Variants in PTPN9 observed in about 807,000 individuals in gnomAD.
PTPN9 encodes the protein tyrosine-protein phosphatase non-receptor type 9.
A neutral mutation model predicts 69.8 loss-of-function variants in PTPN9; 26 were observed. That is an observed-to-expected ratio of 0.37 (90% confidence interval 0.27 to 0.52). PTPN9 has a LOEUF of 0.52. Among genes scored for constraint, PTPN9 ranks in the 20% least tolerant of loss-of-function variants. PTPN9 has a pLI of 0.91. For missense variants in PTPN9, 549 were observed against 740.3 expected (o/e 0.74, Z 3.00); for synonymous variants, 274 against 272.5 (o/e 1.01, Z -0.05).
At chr15:75,570,567 C>T (rs1466691016) in intron 1 of PTPN9, among the ~76,000 whole-genome samples, 2 of 151,794 alleles carry the variant, frequency 1.3e-5, no homozygotes, top group Non-Finnish European at 2.9e-5. Context: ...CTTAGGAGTT[C>T]GTGACCAGCC....
At chr15:75,553,632 T>C (rs1013526698) in intron 1 of PTPN9, among the ~76,000 whole-genome samples, 1 of 152,104 alleles carries the variant, frequency 6.6e-6, no homozygotes, top group African/African-American at 2.4e-5. Context: ...TCCCTCAATT[T>C]TGCCCCAGTT....
Position 75,470,769 on chromosome 15 carries a change from T to C in PTPN9, c.1270A>G (p.Ile424Val), listed in dbSNP as rs138474126. ...GTCACTGTGAGGAAGCCAAATCGGATCCGAGAGTCTTTTTCTAAAGGCCAG... is the reference window on the plus strand; with the variant it reads ...GTCACTGTGAGGAAGCCAAATCGGACCCGAGAGTCTTTTTCTAAAGGCCAG... Reference protein sequence around the residue: ...QYWPLEKDSRIRFGFLTVTNL... With the variant: ...QYWPLEKDSRVRFGFLTVTNL... Residue 424 changes from isoleucine to valine, a missense_variant, in exon 11 of 13, where the codon ATC becomes GTC. By Grantham distance (29) the Ile-to-Val change is conservative (BLOSUM62 3). Coordinates refer to ENST00000618819, the MANE Select transcript of PTPN9 (RefSeq NM_002833.4). The C allele has an allele frequency of 5.6e-6, 9 of 1,614,236 alleles. No individual in the cohort carries two copies. The highest frequency in any genetic ancestry group is 7.6e-6 in the Non-Finnish European group (9 of 1,180,040).
chr15:75,486,212 C>G (rs1345739388), intron 8 of PTPN9, among the ~76,000 whole-genome samples: 3 of 152,004 alleles, frequency 2.0e-5, no homozygotes. Flanking sequence ...TGAGCCATTG[C>G]TATAGACTGA....
intron 1 of PTPN9, among the ~76,000 whole-genome samples, chr15:75,530,958 A>G (rs1048532599): frequency 7.7e-6 from 1 of 129,942 alleles, no homozygotes; most frequent in Non-Finnish European, 1.6e-5. Flanking sequence ...TATATATAAT[A>G]TATATAAGAA....
intron 1 of PTPN9, among the ~76,000 whole-genome samples, chr15:75,543,039 C>T (rs1725965991): frequency 7.1e-6 from 1 of 141,254 alleles, no homozygotes; most frequent in Admixed American, 7.4e-5. Context: ...GTAATGTTCC[C>T]CTTCCTGTGT....
intron 1 of PTPN9, among the ~76,000 whole-genome samples, chr15:75,534,452 C>T (rs886496940): frequency 2.6e-5 from 4 of 152,008 alleles, no homozygotes; most frequent in Non-Finnish European, 4.4e-5. Context: ...GGTGGGAAGA[C>T]TGCTTGAGCC....
chr15:75,508,765 G>A, intron 6 of PTPN9, 152 bp downstream of exon 6: 1 of 607,788 alleles, frequency 1.6e-6, no homozygotes, highest in South Asian at 2.0e-5. Context: ...ACTGACTAAT[G>A]CATCAGGTAG....
At chr15:75,483,031 AC>A (rs1184785333) in intron 8 of PTPN9, among the ~76,000 whole-genome samples, 1 of 152,206 alleles carries the variant, frequency 6.6e-6, no homozygotes, top group Admixed American at 6.5e-5. Context: ...ATTTATACCC[AC>A]TAGGATGGCT....
At chr15:75,532,492 G>A (rs1028165151) in intron 1 of PTPN9, among the ~76,000 whole-genome samples, 2 of 152,076 alleles carry the variant, frequency 1.3e-5, no homozygotes, top group African/African-American at 4.8e-5. Flanking sequence ...TTCCTTCAAA[G>A]TACATCTTGC....
intron 8 of PTPN9, among the ~76,000 whole-genome samples, chr15:75,483,938 T>C (rs2074658906): frequency 6.6e-6 from 1 of 152,220 alleles, no homozygotes; most frequent in African/African-American, 2.4e-5. Flanking sequence ...ATTAAGCAGC[T>C]GACCAATCGT....
chr15:75,573,778 C>T (rs2075159521), intron 1 of PTPN9, among the ~76,000 whole-genome samples: 1 of 152,192 alleles, frequency 6.6e-6, no homozygotes, highest in Non-Finnish European at 1.5e-5. Flanking sequence ...CCTCATAGAG[C>T]TTGCTTGCAG....
At position 75,505,661 on chromosome 15, in the gene PTPN9, CTT is replaced by C; in HGVS notation, c.968+12_968+13del. On this transcript the variant is annotated intron_variant, in intron 7 of 12. Coordinates refer to ENST00000618819, the MANE Select transcript of PTPN9 (RefSeq NM_002833.4). ...CCTGGTAACCAGCTGCTGGCCCAAA[CTT>C]TTTCTACTTACATGGAACAGTGGAA... 6.2e-7 allele frequency: 1 copy of C among 1,601,702 alleles called. No individual in the cohort carries two copies. Among genetic ancestry groups the C allele is most frequent in the Non-Finnish European group, 8.5e-7 (1 of 1,172,102 alleles).
intron 2 of PTPN9, among the ~76,000 whole-genome samples, chr15:75,525,983 CTTTG>C (rs968404229): frequency 6.6e-6 from 1 of 151,450 alleles, no homozygotes; most frequent in Non-Finnish European, 1.5e-5. Context: ...TTCTACAACT[CTTTG>C]TTTATTTTCT....
intron 4 of PTPN9, among the ~76,000 whole-genome samples, chr15:75,518,366 G>A (rs950617849): frequency 2.0e-5 from 3 of 150,810 alleles, no homozygotes. Flanking sequence ...AGTGGCTCAC[G>A]CCTGTAATCC....
At chr15:75,483,124 C>CTAGTGGTATAAGGTA (rs2074653946) in intron 8 of PTPN9, among the ~76,000 whole-genome samples, 2 of 152,210 alleles carry the variant, frequency 1.3e-5, no homozygotes, top group Admixed American at 6.5e-5. Context: ...CCTCCTTATA[C>CTAGTGGTATAAGGTA]ATGGCTAGTG....
chr15:75,520,212 T>A lies in PTPN9; in HGVS notation c.423-2848A>T, dbSNP rs537387646. 3.7e-4 allele frequency among the ~76,000 whole-genome samples: 57 copies of A among 152,204 alleles called. 1 individual carries two copies. The highest frequency in any genetic ancestry group is 1.3e-3 in the African/African-American group (55 of 41,536). Reference sequence around the variant, plus strand: ...AGATACTTTCTATTTCTCCATGAGCTCCTCAAGGGTCAAATTCAAATTATG... The same window carrying A: ...AGATACTTTCTATTTCTCCATGAGCACCTCAAGGGTCAAATTCAAATTATG... On this transcript the variant is annotated intron_variant, in intron 4 of 12. Coordinates refer to ENST00000618819, the MANE Select transcript of PTPN9 (RefSeq NM_002833.4).
chr15:75,491,458 G>A lies in PTPN9; in HGVS notation c.969-1157C>T, dbSNP rs373938391. 1.1e-4 allele frequency among the ~76,000 whole-genome samples: 17 copies of A among 151,876 alleles called. No homozygotes were observed. In the East Asian group the frequency reaches 3.3e-3, roughly 29 times the overall value. On this transcript the variant is annotated intron_variant, in intron 7 of 12. Transcript: ENST00000618819. ...ACAGAGAGAAGGAGTGGGGATGGGA[G>A]TCCCAAATGGCCAAGGCAGAAATTG...
intron 8 of PTPN9, among the ~76,000 whole-genome samples, chr15:75,482,292 G>A (rs1224328440): frequency 2.6e-5 from 4 of 152,242 alleles, no homozygotes; most frequent in East Asian, 1.9e-4. Context: ...CAGGCCGGGC[G>A]CGGTGGCTCA....
At chr15:75,525,987 G>A (rs1595961075) in intron 2 of PTPN9, among the ~76,000 whole-genome samples, 1 of 150,006 alleles carries the variant, frequency 6.7e-6, no homozygotes, top group East Asian at 2.0e-4. Context: ...ACAACTCTTT[G>A]TTTATTTTCT....
Sources: gnomAD v4.1 joint callset for allele counts (sites outside exome capture counted in the v4.1 genomes callset) on GRCh38, gnomAD v4.1.1 for gene constraint, MANE v1.5 for transcripts, NCBI Gene and HGNC (gene_info 2026-07-23, HGNC 2026-07-21) for gene names.